MCPH1: variants seen among roughly 807,000 people sequenced by gnomAD.
MCPH1 encodes microcephalin 1.
MCPH1 carries 104 observed loss-of-function variants against 84.5 expected under a neutral mutation model. The ratio of observed to expected loss-of-function variants is 1.23; its 90% CI spans 1.05 to 1.45. The LOEUF is 1.45. Ranked by LOEUF, MCPH1 falls within the 40% of genes most tolerant of loss-of-function variation. The pLI is 0.00. For synonymous variants in MCPH1, 514 were observed against 366.8 expected (o/e 1.40, Z -4.58); for missense variants, 1,498 against 1,005.7 (o/e 1.49, Z -6.62).
intron 12 of MCPH1, among the ~76,000 whole-genome samples, chr8:6,510,468 TG>T (rs1814819446): frequency 6.6e-6 from 1 of 152,240 alleles, no homozygotes; most frequent in South Asian, 2.1e-4. Context: ...CAGTTTGTAT[TG>T]GAAGAATACA....
intron 8 of MCPH1, among the ~76,000 whole-genome samples, chr8:6,454,071 A>G (rs1334622088): frequency 6.6e-6 from 1 of 152,180 alleles, no homozygotes; most frequent in Non-Finnish European, 1.5e-5. Context: ...GACTCTCCAA[A>G]CTTAGTTATA....
Position 6,519,468 on chromosome 8 carries a change from A to G in MCPH1, c.2214+19539A>G, listed in dbSNP as rs1215293324. 2.6e-5 allele frequency among the ~76,000 whole-genome samples: 4 copies of G among 152,234 alleles called. No homozygotes were observed. The East Asian group carries it at 5.8e-4, about 22-fold the overall frequency. The stretch of plus-strand genomic sequence containing the variant: ...TGACTTTGACACAGCAGTAGAAATT[A>G]TTAATTTCATGACACCTCTATGGCT... On this transcript the variant is annotated intron_variant, in intron 12 of 13. Transcript: ENST00000344683.
chr8:6,438,902 A>G, intron 5 of MCPH1, 51 bp from the exon 6 acceptor site: 1 of 1,573,974 alleles, frequency 6.4e-7, no homozygotes, highest in East Asian at 2.2e-5. Flanking sequence ...CACATTCCTG[A>G]AGTATGAAGG....
intron 13 of MCPH1, among the ~76,000 whole-genome samples, chr8:6,632,093 A>G (rs1247215110): frequency 1.3e-5 from 2 of 152,256 alleles, no homozygotes; most frequent in African/African-American, 4.8e-5. Context: ...CAAAGGACAA[A>G]TATCATACGA....
At chr8:6,513,090 T>C (rs113938816) in intron 12 of MCPH1, among the ~76,000 whole-genome samples, 42 of 152,246 alleles carry the variant, frequency 2.8e-4, no homozygotes, top group African/African-American at 9.6e-4. Context: ...ATTTTACAAA[T>C]ACCTATGAAA....
Position 6,508,399 on chromosome 8 carries a change from G to A in MCPH1, c.2214+8470G>A, listed in dbSNP as rs143472696. 6.8e-3 allele frequency: 1,057 copies of A among 155,636 alleles called. 12 individuals are homozygous for A. The highest frequency in any genetic ancestry group is 0.024 in the African/African-American group (1,002 of 41,568). 9.6% of individuals were successfully genotyped at this position (155,636 alleles called of 1,614,324 possible). On this transcript the variant is annotated intron_variant, in intron 12 of 13. Transcript: ENST00000344683. ...GGAGGCAGGGGTTGCAGTGAGCTGCGATCACACTCCCTTCTGGACAACAAA... is the reference window on the plus strand; with the variant it reads ...GGAGGCAGGGGTTGCAGTGAGCTGCAATCACACTCCCTTCTGGACAACAAA...
At chr8:6,427,612 T>G (rs114106534) in intron 3 of MCPH1, among the ~76,000 whole-genome samples, 2,025 of 152,142 alleles carry the variant, frequency 0.013, 18 homozygotes, top group Middle Eastern at 0.027. Context: ...ACTCCTGACC[T>G]CAAACAGTCC....
chr8:6,492,014 A>G (rs1238779408), intron 11 of MCPH1, among the ~76,000 whole-genome samples: 1 of 152,212 alleles, frequency 6.6e-6, no homozygotes, highest in Non-Finnish European at 1.5e-5. Flanking sequence ...GCTGGATCAA[A>G]TGGTATTTCT....
chr8:6,586,261 C>T (rs890068615), intron 12 of MCPH1, among the ~76,000 whole-genome samples: 3 of 152,306 alleles, frequency 2.0e-5, no homozygotes, highest in South Asian at 2.1e-4. Flanking sequence ...ATGCCCAGCT[C>T]ATCCTTCCTT....
chr8:6,429,892 G>A (rs1255384716), intron 3 of MCPH1, among the ~76,000 whole-genome samples: 1 of 152,110 alleles, frequency 6.6e-6, no homozygotes, highest in East Asian at 1.9e-4. Flanking sequence ...AGACCCACAG[G>A]ACAGGGTCCA....
chr8:6,533,516 G>A (rs1469452035), intron 12 of MCPH1, among the ~76,000 whole-genome samples: 4 of 149,052 alleles, frequency 2.7e-5, no homozygotes, highest in Non-Finnish European at 4.4e-5. Context: ...GGGTTAAGCT[G>A]TGCTTTTAAA....
At chr8:6,515,984 C>T (rs942434957) in intron 12 of MCPH1, among the ~76,000 whole-genome samples, 4 of 152,138 alleles carry the variant, frequency 2.6e-5, no homozygotes, top group Non-Finnish European at 5.9e-5. Context: ...CCAGTGCAAC[C>T]AGAGAACTGT....
In MCPH1 at chr8:6,546,973, C is replaced by T. The variant is rs996161186; in HGVS notation, c.2214+47044C>T. Among the ~76,000 whole-genome samples the T allele has an allele frequency of 4.6e-5, 7 of 152,310 alleles. No individual in the cohort carries two copies. In the East Asian group the frequency reaches 1.4e-3, roughly 29 times the overall value. ...TTGCAAGCTGGCTGGTTAGTCCTGT[C>T]TTCTTTCAGGTGAACAGCATTTATA... On this transcript the variant is annotated intron_variant, in intron 12 of 13. Transcript: ENST00000344683.
intron 12 of MCPH1, among the ~76,000 whole-genome samples, chr8:6,588,796 C>G (rs1563160358): frequency 6.6e-6 from 1 of 152,266 alleles, no homozygotes; most frequent in South Asian, 2.1e-4. Context: ...CTGCCCAGGT[C>G]TCACCAGCTG....
chr8:6,625,640 G>C, intron 13 of MCPH1: 1 of 985,398 alleles, frequency 1.0e-6, no homozygotes, highest in Non-Finnish European at 1.2e-6. Flanking sequence ...GAGCGTCTTA[G>C]AGTAATTTGA....
chr8:6,515,595 G>A (rs917502897), intron 12 of MCPH1, among the ~76,000 whole-genome samples: 6 of 152,092 alleles, frequency 3.9e-5, no homozygotes, highest in Non-Finnish European at 8.8e-5. Context: ...AACTCAGCTG[G>A]AGTTTTATTA....
chr8:6,494,346 A>G (rs993847299), intron 11 of MCPH1: 1 of 152,154 alleles, frequency 6.6e-6, no homozygotes, highest in Non-Finnish European at 1.5e-5. Flanking sequence ...TTTATCTTCT[A>G]TAGCTGTAAA....
At chr8:6,454,548 G>A (rs983166970) in intron 8 of MCPH1, among the ~76,000 whole-genome samples, 4 of 152,168 alleles carry the variant, frequency 2.6e-5, no homozygotes, top group African/African-American at 4.8e-5. Context: ...ACATTTCATC[G>A]TGGGTTACTT....
At chr8:6,511,582 A>G (rs1015243449) in intron 12 of MCPH1, among the ~76,000 whole-genome samples, 4 of 152,230 alleles carry the variant, frequency 2.6e-5, no homozygotes, top group African/African-American at 7.2e-5. Context: ...GCTGCATACA[A>G]CTGGCGTCTC....
Sources: gnomAD v4.1 joint callset for allele counts (sites outside exome capture counted in the v4.1 genomes callset) on GRCh38, gnomAD v4.1.1 for gene constraint, MANE v1.5 for transcripts, NCBI Gene and HGNC (gene_info 2026-07-23, HGNC 2026-07-21) for gene names.